The following NR1I2 variants were observed in gnomAD, a reference collection of about 807,000 sequenced individuals.
The protein encoded by NR1I2 is nuclear receptor subfamily 1 group I member 2.
NR1I2 carries 42 observed loss-of-function variants against 43.3 expected under a neutral mutation model. That is an observed-to-expected ratio of 0.97 (90% CI 0.76 to 1.26). The LOEUF is 1.26. Among genes scored for constraint, NR1I2 ranks in the 50% most tolerant of loss-of-function variants. The pLI is 0.00. For synonymous variants in NR1I2, 229 were observed against 215.0 expected (o/e 1.06, Z -0.57); for missense variants, 559 against 566.7 (o/e 0.99, Z 0.14).
At chr3:119,806,966 C>T (rs1378767792) in intron 1 of NR1I2, among the ~76,000 whole-genome samples, 1 of 152,170 alleles carries the variant, frequency 6.6e-6, no homozygotes, top group Non-Finnish European at 1.5e-5. Flanking sequence ...TCATTTCTTC[C>T]TCCCTCTTAC....
At chr3:119,805,482 C>G (rs1305044694) in intron 1 of NR1I2, among the ~76,000 whole-genome samples, 1 of 152,076 alleles carries the variant, frequency 6.6e-6, no homozygotes, top group Admixed American at 6.6e-5. Context: ...GCGGGCAGAT[C>G]ACTTGAGGTC....
chr3:119,799,113 A>G (rs980061838), intron 1 of NR1I2, among the ~76,000 whole-genome samples: 3 of 152,176 alleles, frequency 2.0e-5, no homozygotes, highest in Non-Finnish European at 4.4e-5. Context: ...TAGGTAACTG[A>G]GCAATTGTTT....
chr3:119,811,333 C>T, intron 3 of NR1I2: 1 of 571,988 alleles, frequency 1.7e-6, no homozygotes. Flanking sequence ...ACACCAGCCT[C>T]ACCTCATCTC....
chr3:119,794,553 C>G (rs930668613), intron 1 of NR1I2, among the ~76,000 whole-genome samples: 2 of 149,936 alleles, frequency 1.3e-5, no homozygotes, highest in African/African-American at 4.9e-5. Flanking sequence ...GTCTCATACT[C>G]CTCACAATTG....
chr3:119,787,620 T>C (rs2054858850), intron 1 of NR1I2, among the ~76,000 whole-genome samples: 1 of 151,536 alleles, frequency 6.6e-6, no homozygotes, highest in African/African-American at 2.4e-5. Context: ...CTTACTTGCT[T>C]TTTTCTCTTT....
chr3:119,811,316 G>A (rs1360723586), intron 3 of NR1I2: 3 of 539,614 alleles, frequency 5.6e-6, no homozygotes, highest in Non-Finnish European at 9.9e-6. Context: ...CCACTGCAGA[G>A]GGCAAAACAC....
chr3:119,790,903 T>C (rs116169240), intron 1 of NR1I2, among the ~76,000 whole-genome samples: 3 of 152,166 alleles, frequency 2.0e-5, no homozygotes, highest in African/African-American at 7.2e-5. Context: ...CAGGGTTGGG[T>C]TGGCTGGAGT....
At chr3:119,786,595 A>T (rs1397525355) in intron 1 of NR1I2, among the ~76,000 whole-genome samples, 4 of 152,200 alleles carry the variant, frequency 2.6e-5, no homozygotes, top group African/African-American at 7.2e-5. Flanking sequence ...CTCAGAGGCC[A>T]CTGTGTCCTG....
intron 2 of NR1I2, among the ~76,000 whole-genome samples, chr3:119,808,256 A>G (rs2055188508): frequency 6.6e-6 from 1 of 152,192 alleles, no homozygotes; most frequent in Non-Finnish European, 1.5e-5. Context: ...CAGCCATCCC[A>G]CCTGAGAGCT....
intron 1 of NR1I2, among the ~76,000 whole-genome samples, chr3:119,803,942 G>A (rs921262922): frequency 2.0e-5 from 3 of 152,050 alleles, no homozygotes; most frequent in Non-Finnish European, 4.4e-5. Context: ...ATTTTTGGTA[G>A]AGATGGGGTT....
chr3:119,788,948 C>T (rs1218518006), intron 1 of NR1I2, among the ~76,000 whole-genome samples: 1 of 152,230 alleles, frequency 6.6e-6, no homozygotes, highest in East Asian at 1.9e-4. Context: ...ATAGCATCAG[C>T]TCACCTGGGA....
At chr3:119,815,889 G>C (rs1443537027) in intron 8 of NR1I2, 58 bp downstream of exon 8, 5 of 1,425,476 alleles carry the variant, frequency 3.5e-6, no homozygotes, top group Non-Finnish European at 4.9e-6. Flanking sequence ...CGAGGTTCAG[G>C]GAAATTGCCC....
intron 1 of NR1I2, among the ~76,000 whole-genome samples, chr3:119,806,480 C>T (rs1384307548): frequency 6.6e-6 from 1 of 151,998 alleles, no homozygotes; most frequent in African/African-American, 2.4e-5. Context: ...AAGATGAGAT[C>T]TCACTTTGTT....
At position 119,816,996 on chromosome 3, in the gene NR1I2, C is replaced by T. The variant is rs955841445; in HGVS notation, c.1161-72C>T. The T allele has an allele frequency of 8.1e-6, 13 of 1,595,710 alleles. No individual in the cohort carries two copies. The East Asian group carries it at 2.5e-4, about 30-fold the overall frequency. ...ATGTCCAGAGATTATGCTTGTGCAG[C>T]CTCAGAGCAGCCCTGAGGCTTGTGG... On this transcript the variant is annotated intron_variant, in intron 8 of 8. Coordinates refer to ENST00000393716, the MANE Select transcript of NR1I2 (RefSeq NM_003889.4).
intron 2 of NR1I2, among the ~76,000 whole-genome samples, chr3:119,808,492 G>C (rs923377128): frequency 3.3e-5 from 5 of 152,262 alleles, no homozygotes; most frequent in Admixed American, 6.5e-5. Context: ...TGACTGTGTG[G>C]AAGAGGGTGG....
rs2054782257 is a variant in NR1I2 at position 119,782,243 on chromosome 3, G to C, written c.-80G>C. 6.3e-6 allele frequency: 1 copy of C among 159,960 alleles called. No homozygotes were observed. Among genetic ancestry groups the C allele is most frequent in the Non-Finnish European group, 1.4e-5 (1 of 72,244 alleles). 9.9% of individuals were successfully genotyped at this position (159,960 alleles called of 1,614,324 possible). On this transcript the variant is annotated 5_prime_UTR_variant, in exon 1 of 9. Coordinates refer to ENST00000393716, the MANE Select transcript of NR1I2 (RefSeq NM_003889.4). ...ACTCCTTGATCGATCCTTTGCACCG[G>C]ATTGTTCAAAGTGGACCCCAGGGGA...
chr3:119,790,560 C>T (rs751475717), intron 1 of NR1I2, among the ~76,000 whole-genome samples: 2 of 152,148 alleles, frequency 1.3e-5, no homozygotes, highest in Non-Finnish European at 2.9e-5. Context: ...ACAGCCTTGC[C>T]AACACTTGTT....
intron 5 of NR1I2, 38 bp from the exon 6 acceptor site, chr3:119,814,941 C>A (rs1257263398): frequency 6.2e-7 from 1 of 1,613,370 alleles, no homozygotes; most frequent in Non-Finnish European, 8.5e-7. Context: ...GGGCTGCCTC[C>A]CAGGGAGCTG....
chr3:119,811,528 T>G lies in NR1I2; in HGVS notation c.332-11T>G, dbSNP rs1429827017. ...GCACGTGTGCCTGAGCCAGCCTCAC[T>G]GTCCCTGCAGTGATCATGTCCGACG... On this transcript the variant is annotated splice_polypyrimidine_tract_variant and intron_variant, in intron 3 of 8. Coordinates refer to ENST00000393716, the MANE Select transcript of NR1I2 (RefSeq NM_003889.4). The G allele has an allele frequency of 1.9e-6, 3 of 1,603,014 alleles. No individual in the cohort carries two copies. Among genetic ancestry groups the G allele is most frequent in the Non-Finnish European group, 1.7e-6 (2 of 1,172,490 alleles).
Sources: gnomAD v4.1 joint callset for allele counts (sites outside exome capture counted in the v4.1 genomes callset) on GRCh38, gnomAD v4.1.1 for gene constraint, MANE v1.5 for transcripts, NCBI Gene and HGNC (gene_info 2026-07-23, HGNC 2026-07-21) for gene names.